Variants in ZSCAN25 observed in about 807,000 individuals in gnomAD.
ZSCAN25 encodes zinc finger and SCAN domain-containing protein 25.
In ZSCAN25, 27 loss-of-function variants were observed where a neutral mutation model predicts 38.7. That is an observed-to-expected ratio of 0.70 (90% CI 0.51 to 0.96). The LOEUF is 0.96. Ranked by LOEUF, ZSCAN25 falls within the 40% of genes least tolerant of loss-of-function variation. ZSCAN25 has a pLI of 0.00. For synonymous variants in ZSCAN25, 273 were observed against 277.7 expected, an observed-to-expected ratio of 0.98 and a Z score of 0.17; for missense variants, 637 against 705.9, an observed-to-expected ratio of 0.90 and a Z score of 1.11.
chr7:99,727,368 A>T, the ZSCAN25 span, among the ~76,000 whole-genome samples: 2 of 152,188 alleles, frequency 1.3e-5, no homozygotes, highest in Non-Finnish European at 2.9e-5. Flanking sequence ...CAGTTCTCAT[A>T]ACTTCCAAAA....
At chr7:99,647,822 T>C in the ZSCAN25 span, 1 of 985,316 alleles carries the variant, frequency 1.0e-6, no homozygotes, top group South Asian at 4.7e-5. Context: ...GATTTCTCTT[T>C]AGTGTGCAGG....
chr7:99,717,732 C>G, the ZSCAN25 span: 4 of 1,471,270 alleles, frequency 2.7e-6, no homozygotes, highest in East Asian at 9.8e-5. Flanking sequence ...ATGTATTTAA[C>G]AAATATTTAG....
At chr7:99,737,402 C>A in the ZSCAN25 span, among the ~76,000 whole-genome samples, 1 of 152,058 alleles carries the variant, frequency 6.6e-6, no homozygotes, top group Non-Finnish European at 1.5e-5. Flanking sequence ...GTGGCACCCC[C>A]TGGGTTTTCT....
At chr7:99,622,663 G>C in intron 6 of ZSCAN25, 23 bp downstream of exon 6, 1 of 1,609,720 alleles carries the variant, frequency 6.2e-7, no homozygotes, top group Non-Finnish European at 8.5e-7. Flanking sequence ...TCCCTTTGCA[G>C]AAATCATGAC....
chr7:99,737,389 C>G, the ZSCAN25 span, among the ~76,000 whole-genome samples: 2 of 152,028 alleles, frequency 1.3e-5, no homozygotes, highest in South Asian at 4.2e-4. Context: ...AGGGTTACTC[C>G]CAGTGGCACC....
the ZSCAN25 span, among the ~76,000 whole-genome samples, chr7:99,654,148 G>A: frequency 6.6e-6 from 1 of 151,970 alleles, no homozygotes; most frequent in African/African-American, 2.4e-5. Context: ...TGTTACATAT[G>A]TATACCTATG....
At chr7:99,672,155 G>A in the ZSCAN25 span, among the ~76,000 whole-genome samples, 8 of 152,036 alleles carry the variant, frequency 5.3e-5, no homozygotes, top group African/African-American at 1.4e-4. Flanking sequence ...AGGTTCAAGC[G>A]ATTCTCCTGT....
the ZSCAN25 span, among the ~76,000 whole-genome samples, chr7:99,669,670 A>T: frequency 6.6e-6 from 1 of 152,206 alleles, no homozygotes; most frequent in Non-Finnish European, 1.5e-5. Flanking sequence ...CACTACAGAT[A>T]CGGCACAACT....
the ZSCAN25 span, chr7:99,671,749 A>T: frequency 1.5e-6 from 1 of 687,142 alleles, no homozygotes; most frequent in Admixed American, 2.2e-5. Flanking sequence ...CAAATAAATA[A>T]AAGTTTGCTC....
the ZSCAN25 span, among the ~76,000 whole-genome samples, chr7:99,656,564 A>C: frequency 2.0e-5 from 3 of 152,156 alleles, no homozygotes; most frequent in Non-Finnish European, 4.4e-5. Context: ...TGTCTCTGCC[A>C]GGCTTTGGTA....
chr7:99,661,111 G>T, the ZSCAN25 span, among the ~76,000 whole-genome samples: 1 of 152,158 alleles, frequency 6.6e-6, no homozygotes, highest in African/African-American at 2.4e-5. Flanking sequence ...AACTTTGAGA[G>T]AATTTGCAAT....
chr7:99,726,785 C>T, the ZSCAN25 span, among the ~76,000 whole-genome samples: 1 of 152,208 alleles, frequency 6.6e-6, no homozygotes, highest in Non-Finnish European at 1.5e-5. Context: ...CCCTCCTGCT[C>T]CTTCAACATT....
At chr7:99,698,627 T>C in the ZSCAN25 span, among the ~76,000 whole-genome samples, 1 of 152,306 alleles carries the variant, frequency 6.6e-6, no homozygotes, top group Non-Finnish European at 1.5e-5. Flanking sequence ...TACATAAATA[T>C]GTATATCGCA....
At chr7:99,645,893 G>T in the ZSCAN25 span, among the ~76,000 whole-genome samples, 8 of 151,784 alleles carry the variant, frequency 5.3e-5, no homozygotes, top group Non-Finnish European at 1.0e-4. Context: ...CTGTGTTCTT[G>T]GCACCTTTGT....
At chr7:99,708,891 T>C in the ZSCAN25 span, 6 of 967,050 alleles carry the variant, frequency 6.2e-6, no homozygotes, top group Non-Finnish European at 9.4e-6. Flanking sequence ...AGTGTGACAA[T>C]GATCAATTTC....
chr7:99,713,645 C>G, the ZSCAN25 span: 4 of 1,457,078 alleles, frequency 2.7e-6, no homozygotes, highest in Non-Finnish European at 3.8e-6. Context: ...CCTTGGAGAC[C>G]AGAAATCTGA....
At chr7:99,698,845 T>A in the ZSCAN25 span, among the ~76,000 whole-genome samples, 4 of 152,244 alleles carry the variant, frequency 2.6e-5, no homozygotes, top group East Asian at 1.9e-4. Context: ...CAATTCATTT[T>A]AAAATGTTAG....
At chr7:99,685,095 G>A in the ZSCAN25 span, 1 of 1,387,694 alleles carries the variant, frequency 7.2e-7, no homozygotes, top group Non-Finnish European at 1.0e-6. Context: ...TGGTGTTCTA[G>A]GTCACAGCTT....
At chr7:99,710,000 C>A in the ZSCAN25 span, among the ~76,000 whole-genome samples, 23 of 152,084 alleles carry the variant, frequency 1.5e-4, no homozygotes, top group East Asian at 2.1e-3. Flanking sequence ...AGGATAGAAC[C>A]CCACACAGCC....
Sources: allele counts gnomAD v4.1 joint callset (sites outside exome capture counted in the v4.1 genomes callset), GRCh38; gene constraint gnomAD v4.1.1; transcripts MANE v1.5; gene names NCBI Gene and HGNC (gene_info 2026-07-23, HGNC 2026-07-21).